The following UVRAG variants were observed in gnomAD, a reference collection of about 807,000 sequenced individuals.
The protein encoded by UVRAG is UV radiation resistance-associated gene protein.
A neutral mutation model predicts 78.0 loss-of-function variants in UVRAG; 19 were observed. The observed-to-expected ratio is 0.24, with a 90% CI of 0.17 to 0.36. The LOEUF is 0.36. Ranked by LOEUF, UVRAG falls within the 10% of genes least tolerant of loss-of-function variation. UVRAG has a pLI of 1.00. For synonymous variants in UVRAG, 323 were observed against 324.6 expected (o/e 1.00, Z 0.05); for missense variants, 740 against 853.8 (o/e 0.87, Z 1.66).
chr11:75,872,779 T>C (rs1946682941), intron 3 of UVRAG, among the ~76,000 whole-genome samples: 1 of 152,226 alleles, frequency 6.6e-6, no homozygotes, highest in African/African-American at 2.4e-5. Flanking sequence ...AGTGACTTAA[T>C]AATTCTTAGC....
chr11:76,009,017 T>C, intron 11 of UVRAG, 150 bp downstream of exon 11: 1 of 460,370 alleles, frequency 2.2e-6, no homozygotes. Flanking sequence ...GACTCCTTGA[T>C]GGGAGATAGA....
intron 6 of UVRAG, among the ~76,000 whole-genome samples, chr11:75,923,844 A>G (rs1010801617): frequency 1.3e-5 from 2 of 152,322 alleles, no homozygotes; most frequent in South Asian, 2.1e-4. Flanking sequence ...AATAATTTCA[A>G]TAATTTACAG....
chr11:75,875,058 A>G lies in UVRAG; in HGVS notation c.271-4821A>G, dbSNP rs1946736024. ...CAGTGATTCGTGACTTTATGCTTAG[A>G]TACCTCAAGCCAGTAACTTCTGCCA... On this transcript the variant is annotated intron_variant, in intron 3 of 14. Coordinates refer to ENST00000356136, the MANE Select transcript of UVRAG (RefSeq NM_003369.4). 2.6e-5 allele frequency among the ~76,000 whole-genome samples: 4 copies of G among 152,176 alleles called. No individual in the cohort carries two copies. The South Asian group carries it at 8.3e-4, about 32-fold the overall frequency.
At chr11:76,035,071 G>A (rs927647957) in intron 12 of UVRAG, among the ~76,000 whole-genome samples, 1 of 152,180 alleles carries the variant, frequency 6.6e-6, no homozygotes, top group Non-Finnish European at 1.5e-5. Flanking sequence ...TGTAGATGAC[G>A]AATTTATTGA....
chr11:75,841,893 T>A (rs563469314), intron 1 of UVRAG, among the ~76,000 whole-genome samples: 1 of 152,172 alleles, frequency 6.6e-6, no homozygotes. Context: ...TCATCATCAT[T>A]AATTTTGCTC....
At chr11:75,958,803 A>G (rs1412975176) in intron 6 of UVRAG, among the ~76,000 whole-genome samples, 1 of 152,166 alleles carries the variant, frequency 6.6e-6, no homozygotes, top group Non-Finnish European at 1.5e-5. Context: ...TAGGCTTATG[A>G]AATGTATTTC....
At chr11:76,078,451 TAA>T (rs1951439052) in intron 13 of UVRAG, among the ~76,000 whole-genome samples, 1 of 152,042 alleles carries the variant, frequency 6.6e-6, no homozygotes, top group African/African-American at 2.4e-5. Context: ...ATTATTGGTT[TAA>T]AAATATATAT....
At chr11:76,005,781 T>C (rs1467828351) in intron 9 of UVRAG, among the ~76,000 whole-genome samples, 1 of 152,254 alleles carries the variant, frequency 6.6e-6, no homozygotes, top group Admixed American at 6.5e-5. Context: ...ATTAATTTGC[T>C]AGAGCAGCTC....
chr11:75,944,516 G>T (rs1948552553), intron 6 of UVRAG, among the ~76,000 whole-genome samples: 1 of 152,068 alleles, frequency 6.6e-6, no homozygotes, highest in Non-Finnish European at 1.5e-5. Context: ...TTTTCAACAT[G>T]TCCATTCATT....
intron 14 of UVRAG, among the ~76,000 whole-genome samples, chr11:76,130,936 T>TG (rs946407094): frequency 6.3e-5 from 8 of 126,788 alleles, no homozygotes; most frequent in South Asian, 2.7e-4. Context: ...GGTTTTTTTG[T>TG]TTTTTTTTTT....
intron 6 of UVRAG, among the ~76,000 whole-genome samples, chr11:75,913,026 A>G (rs982096434): frequency 1.3e-5 from 2 of 152,208 alleles, no homozygotes; most frequent in African/African-American, 2.4e-5. Flanking sequence ...AACACACAGG[A>G]TTTAGAAATT....
intron 7 of UVRAG, among the ~76,000 whole-genome samples, chr11:75,969,509 A>T (rs982794233): frequency 2.6e-5 from 4 of 152,218 alleles, no homozygotes; most frequent in African/African-American, 9.6e-5. Flanking sequence ...ATTCATAGAA[A>T]GTAGAGACCA....
intron 13 of UVRAG, among the ~76,000 whole-genome samples, chr11:76,086,631 A>G (rs1951593190): frequency 6.6e-6 from 1 of 152,244 alleles, no homozygotes; most frequent in Non-Finnish European, 1.5e-5. Flanking sequence ...AGAGTCAGCT[A>G]ATATAAAGTA....
intron 2 of UVRAG, among the ~76,000 whole-genome samples, chr11:75,856,099 C>T (rs1035984640): frequency 2.0e-5 from 3 of 152,172 alleles, no homozygotes; most frequent in Non-Finnish European, 2.9e-5. Flanking sequence ...AGACCATTCT[C>T]CTGCCTCACC....
intron 5 of UVRAG, among the ~76,000 whole-genome samples, chr11:75,894,518 A>G (rs951971543): frequency 6.6e-6 from 1 of 152,096 alleles, no homozygotes; most frequent in Non-Finnish European, 1.5e-5. Flanking sequence ...GCTAGAAAAA[A>G]TTTTGGTCAA....
At chr11:75,982,432 G>A (rs1949412125) in intron 7 of UVRAG, among the ~76,000 whole-genome samples, 1 of 149,476 alleles carries the variant, frequency 6.7e-6, no homozygotes, top group Non-Finnish European at 1.5e-5. Flanking sequence ...AGAAAGGAGG[G>A]TGGCCTCATT....
chr11:75,948,016 C>T (rs760892551), intron 6 of UVRAG, among the ~76,000 whole-genome samples: 2 of 152,128 alleles, frequency 1.3e-5, no homozygotes, highest in Non-Finnish European at 2.9e-5. Flanking sequence ...TTTCATTGGA[C>T]TTTGAATTGC....
chr11:75,849,480 C>T (rs1023331703), intron 1 of UVRAG, among the ~76,000 whole-genome samples: 34 of 145,682 alleles, frequency 2.3e-4, no homozygotes, highest in African/African-American at 8.8e-4. Context: ...GGCGACAGAG[C>T]GAGACTCCAT....
At position 75,839,862 on chromosome 11, in the gene UVRAG, T is replaced by G. The variant is rs192349958; in HGVS notation, c.118-12021T>G. ...ATACACACCCCCACACATATATATA[T>G]AGAGAGAGAGAGAGAGAGAAAGAGA... On this transcript the variant is annotated intron_variant, in intron 1 of 14. Coordinates refer to ENST00000356136, the MANE Select transcript of UVRAG (RefSeq NM_003369.4). 4.2e-3 allele frequency among the ~76,000 whole-genome samples: 619 copies of G among 149,034 alleles called. 4 individuals are homozygous for G. Among genetic ancestry groups the G allele is most frequent in the East Asian group, 0.025 (128 of 5,076 alleles).
Sources: gnomAD v4.1 joint callset for allele counts (sites outside exome capture counted in the v4.1 genomes callset) on GRCh38, gnomAD v4.1.1 for gene constraint, MANE v1.5 for transcripts, NCBI Gene and HGNC (gene_info 2026-07-23, HGNC 2026-07-21) for gene names.